Variants in SLC7A9 observed in about 807,000 individuals in gnomAD.
SLC7A9 encodes B(0,+)-type amino acid transporter 1.
SLC7A9 carries 38 observed loss-of-function variants against 54.1 expected under a neutral mutation model. The ratio of observed to expected loss-of-function variants is 0.70; its 90% CI spans 0.54 to 0.92. SLC7A9 has a LOEUF of 0.92. SLC7A9 is among the 40% of genes least tolerant of loss of function. The pLI is 0.00. For synonymous variants in SLC7A9, 264 were observed against 258.9 expected, an observed-to-expected ratio of 1.02 and a Z score of -0.19; for missense variants, 537 against 636.1, an observed-to-expected ratio of 0.84 and a Z score of 1.68.
In SLC7A9 at chr19:32,859,917, CA is replaced by C. The variant is rs1968745764; in HGVS notation, c.796del (p.Cys266AlafsTer5). ...GTAGGACACGTTCATGAGGATGTAG[CA>C]CGCCGTCACCAGGGGGATCCCGATG... ...IIIGIPLVTA[C>X]YILMNVSYFT... is the part of the protein sequence containing the mutation. On this transcript the variant is annotated frameshift_variant, in exon 8 of 13. Coordinates refer to ENST00000023064, the MANE Select transcript of SLC7A9 (RefSeq NM_014270.5). LOFTEE classifies it high-confidence loss of function. 1.2e-6 allele frequency: 2 copies of C among 1,614,050 alleles called. No individual in the cohort carries two copies. The highest frequency in any genetic ancestry group is 2.7e-5 in the African/African-American group (2 of 74,946).
intron 2 of SLC7A9, among the ~76,000 whole-genome samples, chr19:32,866,411 G>A (rs1340010814): frequency 6.6e-6 from 1 of 152,108 alleles, no homozygotes; most frequent in Non-Finnish European, 1.5e-5. Context: ...CCTGACTGAG[G>A]AGTAGACCCA....
At chr19:32,859,820 C>T in intron 8 of SLC7A9, 21 bp downstream of exon 8, 3 of 1,596,928 alleles carry the variant, frequency 1.9e-6, no homozygotes, top group Non-Finnish European at 2.6e-6. Flanking sequence ...CCCCCGCCAG[C>T]AGCGATGCCC....
chr19:32,833,570 G>A (rs968628146), intron 11 of SLC7A9, among the ~76,000 whole-genome samples: 1 of 152,112 alleles, frequency 6.6e-6, no homozygotes, highest in East Asian at 1.9e-4. Flanking sequence ...GGCCGAGGCC[G>A]GTGGGTCCCT....
intron 9 of SLC7A9, among the ~76,000 whole-genome samples, chr19:32,845,179 A>T (rs1473716736): frequency 4.0e-5 from 6 of 151,496 alleles, no homozygotes; most frequent in Non-Finnish European, 8.8e-5. Flanking sequence ...AATAAAAATA[A>T]ATAAGAGGAG....
chr19:32,832,442 C>G (rs933576542), intron 12 of SLC7A9, among the ~76,000 whole-genome samples: 2 of 151,916 alleles, frequency 1.3e-5, no homozygotes, highest in African/African-American at 4.8e-5. Flanking sequence ...CAAAAATTAG[C>G]TGGGCGTGGT....
rs1393915569 is a variant in SLC7A9, at chr19:32,868,766, GCTCCC to G, written c.-111-126_-111-122del. 51 of 585,372 alleles carry G rather than the reference GCTCCC, an allele frequency of 8.7e-5. No individual in the cohort carries two copies. In the African/African-American group the frequency reaches 9.2e-4, roughly 11 times the overall value. 36.3% of individuals were successfully genotyped at this position (585,372 alleles called of 1,614,324 possible). On this transcript the variant is annotated intron_variant, in intron 1 of 12. Coordinates refer to ENST00000023064, the MANE Select transcript of SLC7A9 (RefSeq NM_014270.5). ...AACATTGTCCAGGCAGGGGAACACAGCTCCCCGCTGCTCTCCAAAGCTCAGCTGCT... is the reference window on the plus strand; with the variant it reads ...AACATTGTCCAGGCAGGGGAACACAGCGCTGCTCTCCAAAGCTCAGCTGCT...
chr19:32,855,363 C>T (rs778194926), intron 9 of SLC7A9, among the ~76,000 whole-genome samples: 1 of 152,110 alleles, frequency 6.6e-6, no homozygotes, highest in Non-Finnish European at 1.5e-5. Context: ...GCACAAATAA[C>T]TTACAAGCTT....
chr19:32,867,203 A>T (rs1968997030), intron 2 of SLC7A9, among the ~76,000 whole-genome samples: 1 of 152,198 alleles, frequency 6.6e-6, no homozygotes, highest in African/African-American at 2.4e-5. Context: ...GGACTCAACC[A>T]TCAGAACGCC....
intron 11 of SLC7A9, among the ~76,000 whole-genome samples, chr19:32,836,340 C>T (rs775040182): frequency 9.2e-5 from 14 of 152,214 alleles, no homozygotes; most frequent in Admixed American, 1.3e-4. Context: ...TGAGCCACTG[C>T]GCCCGGCCAG....
intron 9 of SLC7A9, among the ~76,000 whole-genome samples, chr19:32,857,827 C>T (rs1181683682): frequency 6.6e-6 from 1 of 152,124 alleles, no homozygotes; most frequent in Non-Finnish European, 1.5e-5. Flanking sequence ...ATTGGCAAAC[C>T]ACAGCTGTTT....
intron 12 of SLC7A9, 193 bp downstream of exon 12, chr19:32,832,956 T>C: frequency 1.6e-6 from 1 of 637,688 alleles, no homozygotes; most frequent in Non-Finnish European, 2.9e-6. Flanking sequence ...ATTACAGTAA[T>C]TGACAGGAAC....
intron 9 of SLC7A9, among the ~76,000 whole-genome samples, chr19:32,855,212 C>T (rs542231181): frequency 6.6e-6 from 1 of 152,270 alleles, no homozygotes; most frequent in African/African-American, 2.4e-5. Flanking sequence ...AGACAAATAT[C>T]CCATGATCTC....
At chr19:32,839,103 G>A (rs76264725) in intron 11 of SLC7A9, among the ~76,000 whole-genome samples, 1,546 of 152,054 alleles carry the variant, frequency 0.01, 26 homozygotes, top group African/African-American at 0.036. Flanking sequence ...GCTTTCTCTC[G>A]TCCATGTTTT....
intron 11 of SLC7A9, among the ~76,000 whole-genome samples, chr19:32,834,487 G>A (rs922587782): frequency 2.5e-4 from 38 of 152,114 alleles, no homozygotes; most frequent in Middle Eastern, 3.4e-3. Context: ...AAAATTAGCC[G>A]GGCGTGATGG....
Position 32,842,198 on chromosome 19 carries a change from A to T in SLC7A9, c.1194T>A (p.Phe398Leu). 1.2e-6 allele frequency: 2 copies of T among 1,614,208 alleles called. No individual in the cohort carries two copies. The highest frequency in any genetic ancestry group is 1.7e-6 in the Non-Finnish European group (2 of 1,180,042). ...LTILGLIVMR[F>L]TRKELERPIK... is the part of the protein sequence containing the mutation. ...TAGGCCTTTCCAGCTCTTTCCTTGT[A>T]AATCTCATCACGATGAGTCCTAGAA... The change falls in exon 11 of 13, where the codon TTT (phenylalanine) becomes TTA (leucine). Residue 398 changes from phenylalanine to leucine, a missense_variant. Phe to Leu is a conservative substitution (Grantham distance 22). Coordinates refer to ENST00000023064, the MANE Select transcript of SLC7A9 (RefSeq NM_014270.5).
intron 9 of SLC7A9, among the ~76,000 whole-genome samples, chr19:32,844,159 G>A (rs1198493548): frequency 6.6e-6 from 1 of 152,172 alleles, no homozygotes; most frequent in Non-Finnish European, 1.5e-5. Flanking sequence ...CGCACTGAGA[G>A]ACTAGGTGTG....
chr19:32,837,746 C>T (rs1000981750), intron 11 of SLC7A9, among the ~76,000 whole-genome samples: 1 of 152,032 alleles, frequency 6.6e-6, no homozygotes, highest in Non-Finnish European at 1.5e-5. Flanking sequence ...TTTCAGTACG[C>T]CTACACGTGA....
At chr19:32,840,102 TTCTG>T (rs1442971046) in intron 11 of SLC7A9, among the ~76,000 whole-genome samples, 3 of 151,458 alleles carry the variant, frequency 2.0e-5, no homozygotes, top group African/African-American at 7.4e-5. Context: ...CCCTTTCTAC[TTCTG>T]TCTGATATTT....
chr19:32,833,813 AAATAG>A (rs980626860), intron 11 of SLC7A9, among the ~76,000 whole-genome samples: 2 of 152,152 alleles, frequency 1.3e-5, no homozygotes, highest in African/African-American at 4.8e-5. Flanking sequence ...AGAAAAAAAA[AAATAG>A]ATAAACTGTT....
Sources: gnomAD v4.1 joint callset for allele counts (sites outside exome capture counted in the v4.1 genomes callset) on GRCh38, gnomAD v4.1.1 for gene constraint, MANE v1.5 for transcripts, NCBI Gene and HGNC (gene_info 2026-07-23, HGNC 2026-07-21) for gene names.